The following TAFA5 variants were observed in gnomAD, a reference collection of about 807,000 sequenced individuals.
The protein encoded by TAFA5 is chemokine-like protein TAFA-5.
A neutral mutation model predicts 15.3 loss-of-function variants in TAFA5; 6 were observed. The ratio of observed to expected loss-of-function variants is 0.39; its 90% confidence interval spans 0.21 to 0.77. TAFA5 has a LOEUF of 0.77. Among genes scored for constraint, TAFA5 ranks in the 30% least tolerant of loss-of-function variants. TAFA5 has a pLI of 0.41. For missense variants in TAFA5, 161 were observed against 193.1 expected, an observed-to-expected ratio of 0.83 and a Z score of 0.98; for synonymous variants, 103 against 80.7, an observed-to-expected ratio of 1.28 and a Z score of -1.48.
At position 48,740,314 on chromosome 22, in the gene TAFA5, C is replaced by T. The variant is rs76645835; in HGVS notation, c.391-9525C>T. 3.5e-4 allele frequency among the ~76,000 whole-genome samples: 53 copies of T among 152,334 alleles called. No individual in the cohort carries two copies. The East Asian group carries it at 9.8e-3, about 28-fold the overall frequency. ...GAGCGGGGGCCCTGGGGCAGACGAG[C>T]TGGTCGCAGAGCCAGCCTCCCCGCA... On this transcript the variant is annotated intron_variant, in intron 3 of 3. Coordinates refer to ENST00000402357, the MANE Select transcript of TAFA5 (RefSeq NM_001082967.3).
chr22:48,542,553 TATGTGTGTGTG>T (rs1922471618), intron 1 of TAFA5, among the ~76,000 whole-genome samples: 1 of 71,162 alleles, frequency 1.4e-5, no homozygotes, highest in African/African-American at 6.7e-5. Flanking sequence ...GTGTGATGTG[TATGTGTGTGTG>T]GTGTGTGTGG....
intron 1 of TAFA5, among the ~76,000 whole-genome samples, chr22:48,573,693 A>C (rs912161207): frequency 9.2e-5 from 14 of 152,296 alleles, no homozygotes; most frequent in African/African-American, 3.4e-4. Context: ...CACCTGTTGA[A>C]AGTGAATTGG....
intron 1 of TAFA5, among the ~76,000 whole-genome samples, chr22:48,624,249 A>G (rs9628587): frequency 0.017 from 2,627 of 152,306 alleles, 90 homozygotes; most frequent in African/African-American, 0.06. Context: ...TGCCCTTCTC[A>G]TCACATCCTA....
intron 3 of TAFA5, among the ~76,000 whole-genome samples, chr22:48,720,046 A>G (rs1028548025): frequency 6.6e-6 from 1 of 152,166 alleles, no homozygotes; most frequent in Admixed American, 6.5e-5. Context: ...TCCTTAAAGA[A>G]TTTGTTCTTT....
chr22:48,716,011 T>G (rs1424706888), intron 3 of TAFA5, among the ~76,000 whole-genome samples: 1 of 152,248 alleles, frequency 6.6e-6, no homozygotes, highest in African/African-American at 2.4e-5. Context: ...GGGAATCCTT[T>G]CCCATTGCTT....
At chr22:48,546,337 G>A (rs1198743732) in intron 1 of TAFA5, among the ~76,000 whole-genome samples, 1 of 152,214 alleles carries the variant, frequency 6.6e-6, no homozygotes, top group Non-Finnish European at 1.5e-5. Context: ...GGGCAAGGTG[G>A]CCTGAGTCCA....
At chr22:48,593,153 C>T (rs552461611) in intron 1 of TAFA5, among the ~76,000 whole-genome samples, 3 of 152,276 alleles carry the variant, frequency 2.0e-5, no homozygotes, top group Non-Finnish European at 2.9e-5. Context: ...ACCTGGGAGA[C>T]GCCATCACTC....
chr22:48,654,089 G>A (rs942413189), intron 2 of TAFA5, among the ~76,000 whole-genome samples: 2 of 151,942 alleles, frequency 1.3e-5, no homozygotes, highest in African/African-American at 2.4e-5. Flanking sequence ...TGCAGGGAGG[G>A]TCCTGTCCCG....
At chr22:48,722,846 G>A (rs1260438787) in intron 3 of TAFA5, among the ~76,000 whole-genome samples, 2 of 152,178 alleles carry the variant, frequency 1.3e-5, no homozygotes, top group African/African-American at 4.8e-5. Flanking sequence ...GTCATGTCTA[G>A]GGTCCATCCT....
chr22:48,593,302 C>G (rs1049749420), intron 1 of TAFA5, among the ~76,000 whole-genome samples: 1 of 152,170 alleles, frequency 6.6e-6, no homozygotes, highest in Non-Finnish European at 1.5e-5. Context: ...GGGCCCAGCC[C>G]CTCCATTTTG....
intron 1 of TAFA5, among the ~76,000 whole-genome samples, chr22:48,565,449 G>A (rs1923378328): frequency 6.6e-6 from 1 of 152,238 alleles, no homozygotes; most frequent in Non-Finnish European, 1.5e-5. Context: ...TCCCAGCAAT[G>A]TGTACATAAA....
intron 2 of TAFA5, among the ~76,000 whole-genome samples, chr22:48,648,970 C>T (rs1569063587): frequency 2.0e-5 from 3 of 152,346 alleles, no homozygotes; most frequent in East Asian, 1.9e-4. Context: ...GGAGGGCTGA[C>T]GGAATCACTG....
intron 1 of TAFA5, among the ~76,000 whole-genome samples, chr22:48,501,628 C>T (rs1466536001): frequency 6.6e-6 from 1 of 152,172 alleles, no homozygotes; most frequent in Admixed American, 6.5e-5. Context: ...TGCTGACCTC[C>T]CAGGCCTCAC....
intron 1 of TAFA5, among the ~76,000 whole-genome samples, chr22:48,578,860 G>T (rs982943573): frequency 7.9e-5 from 12 of 151,806 alleles, no homozygotes; most frequent in Non-Finnish European, 1.2e-4. Flanking sequence ...GAGGTGCAGG[G>T]AGGGGGGTGG....
chr22:48,679,010 T>TCCTGGTTC (rs2147228249), intron 2 of TAFA5, among the ~76,000 whole-genome samples: 1 of 80,398 alleles, frequency 1.2e-5, no homozygotes, highest in Admixed American at 1.8e-4. Context: ...TCCATCCCTC[T>TCCTGGTTC]CCCGGCTCCG....
intron 1 of TAFA5, among the ~76,000 whole-genome samples, chr22:48,554,899 A>G (rs1190067672): frequency 1.3e-5 from 2 of 152,132 alleles, no homozygotes; most frequent in Admixed American, 6.5e-5. Flanking sequence ...TCCTCTCCCC[A>G]TAGTGGTCCT....
chr22:48,494,094 C>T (rs1928244589), intron 1 of TAFA5, among the ~76,000 whole-genome samples: 1 of 152,182 alleles, frequency 6.6e-6, no homozygotes, highest in African/African-American at 2.4e-5. Context: ...AAGTTCTGCC[C>T]CAGAGTTCTG....
chr22:48,656,062 T>C (rs551541234), intron 2 of TAFA5, among the ~76,000 whole-genome samples: 29 of 151,756 alleles, frequency 1.9e-4, no homozygotes, highest in Admixed American at 7.9e-4. Context: ...CAGGCTGGTG[T>C]TGAACTCCTG....
intron 3 of TAFA5, among the ~76,000 whole-genome samples, chr22:48,735,573 A>G (rs1201977642): frequency 1.3e-5 from 2 of 152,244 alleles, no homozygotes; most frequent in African/African-American, 4.8e-5. Flanking sequence ...GGATGCTAAT[A>G]GGAATGAAGA....
Sources: gnomAD v4.1 joint callset for allele counts (sites outside exome capture counted in the v4.1 genomes callset) on GRCh38, gnomAD v4.1.1 for gene constraint, MANE v1.5 for transcripts, NCBI Gene and HGNC (gene_info 2026-07-23, HGNC 2026-07-21) for gene names.